FOCAD: variants seen among roughly 807,000 people sequenced by gnomAD.
FOCAD encodes the protein focadhesin.
Under a neutral mutation model 225.6 loss-of-function variants are expected in FOCAD, and 198 were observed. The observed-to-expected ratio is 0.88, with a 90% CI of 0.78 to 0.99. The LOEUF (loss-of-function observed/expected upper bound fraction) is 0.99. FOCAD is among the 50% of genes least tolerant of loss of function. The pLI, the probability that FOCAD is intolerant of heterozygous loss-of-function variation, is 0.00. For missense variants in FOCAD, 2,713 were observed against 2,123.6 expected, an observed-to-expected ratio of 1.28 and a Z score of -5.46; for synonymous variants, 897 against 755.0, an observed-to-expected ratio of 1.19 and a Z score of -3.08.
Position 20,946,742 on chromosome 9 carries a change from C to A in FOCAD, c.3597C>A (p.Phe1199Leu). 6.2e-7 allele frequency: 1 copy of A among 1,613,746 alleles called. No homozygotes were observed. The highest frequency in any genetic ancestry group is 1.1e-5 in the South Asian group (1 of 91,044). Residue 1199 changes from phenylalanine to leucine, a missense_variant, in exon 30 of 44, where the codon TTC (phenylalanine) becomes TTA (leucine). Coordinates refer to ENST00000338382, the MANE Select transcript of FOCAD (RefSeq NM_001375567.1). ...YTLSCVCTSA[F>L]SAGIIEATEA... The stretch of plus-strand genomic sequence containing the variant: ...TTAGCTGTGTATGTACATCAGCGTT[C>A]AGTGCTGGAATTATTGAGGCTACAG...
At chr9:20,929,657 A>T in intron 27 of FOCAD, 61 bp downstream of exon 27, 1 of 1,326,034 alleles carries the variant, frequency 7.5e-7, no homozygotes, top group Non-Finnish European at 1.1e-6. Flanking sequence ...AGGATTTTGC[A>T]CCCATATGCA....
intron 4 of FOCAD, among the ~76,000 whole-genome samples, chr9:20,734,192 C>G (rs1826944704): frequency 6.6e-6 from 1 of 151,908 alleles, no homozygotes; most frequent in Non-Finnish European, 1.5e-5. Context: ...TTATTGAGCC[C>G]TGGTGAAAAG....
intron 21 of FOCAD, among the ~76,000 whole-genome samples, chr9:20,886,896 T>C (rs1831145501): frequency 6.6e-6 from 1 of 152,214 alleles, no homozygotes; most frequent in African/African-American, 2.4e-5. Flanking sequence ...TCGATTTAGA[T>C]ACTTTCAACA....
intron 34 of FOCAD, 109 bp downstream of exon 34, chr9:20,951,207 A>G: frequency 2.5e-6 from 2 of 788,796 alleles, no homozygotes; most frequent in Non-Finnish European, 4.3e-6. Flanking sequence ...AGTAATGGGT[A>G]TTACCATCTC....
chr9:20,744,985 T>A (rs1827928617), intron 5 of FOCAD, among the ~76,000 whole-genome samples: 1 of 152,248 alleles, frequency 6.6e-6, no homozygotes, highest in South Asian at 2.1e-4. Flanking sequence ...AACATTTTTT[T>A]AAACCACTAT....
intron 19 of FOCAD, among the ~76,000 whole-genome samples, chr9:20,881,445 C>T (rs1174266575): frequency 6.6e-6 from 1 of 152,128 alleles, no homozygotes; most frequent in Non-Finnish European, 1.5e-5. Context: ...ACAGGAATGA[C>T]AAAATTCTGG....
intron 35 of FOCAD, among the ~76,000 whole-genome samples, chr9:20,956,107 C>T (rs1056794199): frequency 4.6e-5 from 7 of 152,108 alleles, no homozygotes; most frequent in South Asian, 2.1e-4. Context: ...CAGTGATCTG[C>T]GTGTGTAAGT....
At chr9:20,766,431 ACTAT>A (rs1309812533) in intron 7 of FOCAD, among the ~76,000 whole-genome samples, 1 of 152,226 alleles carries the variant, frequency 6.6e-6, no homozygotes, top group Non-Finnish European at 1.5e-5. Context: ...CTGAAACATG[ACTAT>A]CTCATGGCTA....
At chr9:20,735,248 T>C (rs372146728) in intron 4 of FOCAD, among the ~76,000 whole-genome samples, 3 of 152,188 alleles carry the variant, frequency 2.0e-5, no homozygotes, top group African/African-American at 4.8e-5. Flanking sequence ...TTGTTTTCAC[T>C]CTGCTAAAAA....
At chr9:20,704,264 C>G (rs1317867493) in intron 1 of FOCAD, among the ~76,000 whole-genome samples, 2 of 152,126 alleles carry the variant, frequency 1.3e-5, no homozygotes, top group African/African-American at 2.4e-5. Flanking sequence ...TGCACATTGA[C>G]TTTGTTGAAA....
At chr9:20,753,939 G>A (rs1207881396) in intron 5 of FOCAD, among the ~76,000 whole-genome samples, 1 of 152,140 alleles carries the variant, frequency 6.6e-6, no homozygotes, top group Non-Finnish European at 1.5e-5. Flanking sequence ...GTGTTGTTAG[G>A]CAACTTAGTA....
chr9:20,683,455 C>G (rs867932705), upstream of FOCAD: 2 of 152,188 alleles, frequency 1.3e-5, no homozygotes, highest in African/African-American at 4.8e-5. Flanking sequence ...TCATACCAGT[C>G]TCTCCTCGTT....
At chr9:20,961,614 A>G (rs937374789) in intron 35 of FOCAD, among the ~76,000 whole-genome samples, 2 of 152,100 alleles carry the variant, frequency 1.3e-5, no homozygotes, top group African/African-American at 4.8e-5. Context: ...TTATTTCTGT[A>G]TTTAGCTATA....
At chr9:20,800,570 T>G (rs199578150) in intron 11 of FOCAD, among the ~76,000 whole-genome samples, 1 of 152,072 alleles carries the variant, frequency 6.6e-6, no homozygotes, top group Non-Finnish European at 1.5e-5. Flanking sequence ...TTTCTCTAAA[T>G]TTCTCTTCTC....
intron 15 of FOCAD, among the ~76,000 whole-genome samples, chr9:20,860,513 CTTTGTTTGTTTTG>C (rs1250863469): frequency 1.3e-5 from 2 of 151,982 alleles, no homozygotes; most frequent in Non-Finnish European, 2.9e-5. Context: ...GCACTGTTTT[CTTTGTTTGTTTTG>C]TTTTGTTTTT....
intron 8 of FOCAD, among the ~76,000 whole-genome samples, chr9:20,776,496 G>C (rs576188279): frequency 7.2e-5 from 11 of 152,340 alleles, no homozygotes; most frequent in African/African-American, 2.6e-4. Context: ...CACTAGACTT[G>C]TAAGCAGTTT....
At chr9:20,787,079 C>A in intron 10 of FOCAD, 2 of 284,826 alleles carry the variant, frequency 7.0e-6, no homozygotes, top group South Asian at 3.2e-5. Flanking sequence ...TAACCTTAGG[C>A]AAACAAACAA....
At chr9:20,961,575 CAT>C (rs1470913799) in intron 35 of FOCAD, among the ~76,000 whole-genome samples, 2 of 152,150 alleles carry the variant, frequency 1.3e-5, no homozygotes, top group Non-Finnish European at 1.5e-5. Context: ...AGCTGGGAAA[CAT>C]ATGTTCTTGT....
intron 35 of FOCAD, among the ~76,000 whole-genome samples, chr9:20,962,191 C>G (rs1838794106): frequency 6.6e-6 from 1 of 152,038 alleles, no homozygotes; most frequent in Non-Finnish European, 1.5e-5. Flanking sequence ...GTGATACTTT[C>G]CTATATATTT....
Sources: gnomAD v4.1 joint callset for allele counts (sites outside exome capture counted in the v4.1 genomes callset) on GRCh38, gnomAD v4.1.1 for gene constraint, MANE v1.5 for transcripts, NCBI Gene and HGNC (gene_info 2026-07-23, HGNC 2026-07-21) for gene names.